The following RTF1 variants were observed in gnomAD, a reference collection of about 807,000 sequenced individuals.
RTF1 encodes the protein RNA polymerase-associated protein RTF1 homolog.
A neutral mutation model predicts 95.7 loss-of-function variants in RTF1; 10 were observed. That is an observed-to-expected ratio of 0.10 (90% confidence interval 0.06 to 0.18). The LOEUF (loss-of-function observed/expected upper bound fraction) is 0.18. Among genes scored for constraint, RTF1 ranks in the 10% least tolerant of loss-of-function variants. RTF1 has a pLI of 1.00. For synonymous variants in RTF1, 305 were observed against 311.8 expected, an observed-to-expected ratio of 0.98 and a Z score of 0.23; for missense variants, 458 against 875.6, an observed-to-expected ratio of 0.52 and a Z score of 6.02.
chr15:41,471,018 A>G (rs2050908871), intron 7 of RTF1, among the ~76,000 whole-genome samples, 154 bp from the exon 8 acceptor site: 1 of 152,136 alleles, frequency 6.6e-6, no homozygotes, highest in Admixed American at 6.5e-5. Flanking sequence ...CAGGAACAGG[A>G]TCCTATTACA....
chr15:41,417,685 G>C (rs1406220480), intron 1 of RTF1, among the ~76,000 whole-genome samples: 1 of 152,244 alleles, frequency 6.6e-6, no homozygotes, highest in South Asian at 2.1e-4. Flanking sequence ...AACCTGGGAG[G>C]CTGGGAGGTT....
At position 41,435,000 on chromosome 15, in the gene RTF1, G is replaced by A. The variant is rs146266116; in HGVS notation, c.199-3321G>A. Among the ~76,000 whole-genome samples the A allele has an allele frequency of 6.8e-3, 975 of 144,108 alleles. 4 individuals are homozygous for A. Among genetic ancestry groups the A allele is most frequent in the South Asian group, 0.028 (125 of 4,530 alleles). 94.5% of individuals were successfully genotyped at this position (144,108 alleles called of 152,430 possible). On this transcript the variant is annotated intron_variant, in intron 1 of 17. Coordinates refer to ENST00000389629, the MANE Select transcript of RTF1 (RefSeq NM_015138.5). Reference sequence around the variant, plus strand: ...TTTTGAGATGGAGTCTCGCTCTGTCGCCCATGCTGGAGTGCAGTGGCGTGA... The same window carrying A: ...TTTTGAGATGGAGTCTCGCTCTGTCACCCATGCTGGAGTGCAGTGGCGTGA...
At chr15:41,430,407 C>G (rs1457554015) in intron 1 of RTF1, among the ~76,000 whole-genome samples, 3 of 151,650 alleles carry the variant, frequency 2.0e-5, no homozygotes, top group Non-Finnish European at 4.4e-5. Context: ...TTTTTTGTTG[C>G]ATATTGGTCT....
At chr15:41,458,998 G>C (rs1235145156) in intron 4 of RTF1, among the ~76,000 whole-genome samples, 1 of 152,152 alleles carries the variant, frequency 6.6e-6, no homozygotes, top group Non-Finnish European at 1.5e-5. Flanking sequence ...CTGGAACCCA[G>C]GAGGCGGAGG....
At chr15:41,464,933 AGTGT>A (rs67065750) in intron 5 of RTF1, 48 bp downstream of exon 5, 98,114 of 1,275,590 alleles carry the variant, frequency 0.077, 982 homozygotes, top group East Asian at 0.17. Context: ...ACCTGTTTTG[AGTGT>A]GTGTGTGTGT....
chr15:41,480,348 G>A (rs1316032733), intron 17 of RTF1, 23 bp downstream of exon 17: 5 of 1,502,464 alleles, frequency 3.3e-6, no homozygotes, highest in African/African-American at 2.8e-5. Context: ...GGGGCGGGTG[G>A]TGAGGGCTGA....
intron 1 of RTF1, among the ~76,000 whole-genome samples, chr15:41,431,250 T>C (rs2050670795): frequency 6.7e-6 from 1 of 149,750 alleles, no homozygotes; most frequent in African/African-American, 2.5e-5. Context: ...GTTTTGCTCT[T>C]GTTGCCCAGG....
chr15:41,419,846 G>A (rs1320858899), intron 1 of RTF1, among the ~76,000 whole-genome samples: 1 of 152,138 alleles, frequency 6.6e-6, no homozygotes, highest in Non-Finnish European at 1.5e-5. Flanking sequence ...TTGAGACGGA[G>A]TCTTGTTCTG....
At chr15:41,477,583 T>C (rs770804269) in intron 14 of RTF1, 68 bp downstream of exon 14, 10 of 1,423,502 alleles carry the variant, frequency 7.0e-6, no homozygotes, top group Non-Finnish European at 7.9e-6. Flanking sequence ...TTTCTACATC[T>C]TGCCTAAGTT....
intron 15 of RTF1, 87 bp from the exon 16 acceptor site, chr15:41,479,016 A>G: frequency 1.3e-6 from 1 of 798,854 alleles, no homozygotes; most frequent in Non-Finnish European, 2.1e-6. Context: ...GGTGCTTGTG[A>G]TGTTAGTTTG....
At chr15:41,433,664 G>GA (rs34520870) in intron 1 of RTF1, among the ~76,000 whole-genome samples, 1 of 151,838 alleles carries the variant, frequency 6.6e-6, no homozygotes, top group African/African-American at 2.4e-5. Flanking sequence ...AGTAATATGG[G>GA]AAAAAAGGTA....
chr15:41,451,411 G>T (rs2050788967), intron 2 of RTF1, among the ~76,000 whole-genome samples: 2 of 152,170 alleles, frequency 1.3e-5, no homozygotes, highest in Non-Finnish European at 1.5e-5. Context: ...TAAAGTGGTT[G>T]TATGGCCTTT....
chr15:41,455,623 A>G lies in RTF1; in HGVS notation c.458-2049A>G, dbSNP rs552011668. ...AGTTTGAGACCAGCCTGGCCAACAC[A>G]GTGAGACCCTGTCTCTGCTAAAAAT... On this transcript the variant is annotated intron_variant, in intron 3 of 17. Transcript: ENST00000389629. 1.4e-4 allele frequency among the ~76,000 whole-genome samples: 21 copies of G among 151,438 alleles called. No homozygotes were observed. The East Asian group carries it at 3.9e-3, about 28-fold the overall frequency.
At chr15:41,450,313 TA>T in intron 2 of RTF1, among the ~76,000 whole-genome samples, 1 of 152,352 alleles carries the variant, frequency 6.6e-6, no homozygotes, top group South Asian at 2.1e-4. Flanking sequence ...CTCATGCCTG[TA>T]ATCCCAGCAC....
At chr15:41,445,902 A>G (rs1175505213) in intron 2 of RTF1, among the ~76,000 whole-genome samples, 1 of 151,648 alleles carries the variant, frequency 6.6e-6, no homozygotes, top group Admixed American at 6.6e-5. Context: ...CGCCCAGCTA[A>G]TTTTTTTGTA....
At chr15:41,472,151 C>T (rs2050915538) in intron 8 of RTF1, among the ~76,000 whole-genome samples, 1 of 151,072 alleles carries the variant, frequency 6.6e-6, no homozygotes, top group South Asian at 2.1e-4. Flanking sequence ...CCTGCCTCAG[C>T]CTCCCAAAGT....
chr15:41,478,068 A>G (rs567287249), intron 14 of RTF1, among the ~76,000 whole-genome samples: 108 of 151,682 alleles, frequency 7.1e-4, no homozygotes, highest in South Asian at 2.1e-3. Context: ...GTGCCACTGC[A>G]CTTTAGCCTG....
Position 41,475,873 on chromosome 15 carries a change from A to T in RTF1, c.1482+54A>T, listed in dbSNP as rs533728309. ...AGGTTCATCAAGAACCAGTGTTGAG[A>T]GAACATGATTCTCTTTTATTTCCCT... On this transcript the variant is annotated intron_variant, in intron 11 of 17. Coordinates refer to ENST00000389629, the MANE Select transcript of RTF1 (RefSeq NM_015138.5). 3 of 866,652 alleles carry T rather than the reference A, an allele frequency of 3.5e-6. No individual in the cohort carries two copies. In the Admixed American group the frequency reaches 7.1e-5, roughly 20 times the overall value. The allele number at this position is 866,652 out of a possible 1,614,324, so 53.7% of individuals were successfully genotyped here.
rs561014612 is a variant in RTF1 at position 41,479,880 on chromosome 15, AAGC to A, written c.1915-331_1915-329del. Reference sequence around the variant, plus strand: ...CTCCCACCTCAAAAAAAAAAAAAAAAAGCAGTTTTCTGTCCAAGTTAAGTCTTT... The same window carrying A: ...CTCCCACCTCAAAAAAAAAAAAAAAAAGTTTTCTGTCCAAGTTAAGTCTTT... On this transcript the variant is annotated intron_variant, in intron 16 of 17. Transcript: ENST00000389629. 5.3e-3 allele frequency among the ~76,000 whole-genome samples: 798 copies of A among 151,884 alleles called. 4 individuals are homozygous for A. The highest frequency in any genetic ancestry group is 8.6e-3 in the Non-Finnish European group (587 of 67,926).
Sources: gnomAD v4.1 joint callset for allele counts (sites outside exome capture counted in the v4.1 genomes callset) on GRCh38, gnomAD v4.1.1 for gene constraint, MANE v1.5 for transcripts, NCBI Gene and HGNC (gene_info 2026-07-23, HGNC 2026-07-21) for gene names.